Variants in CNGA3 observed in about 807,000 individuals in gnomAD.
CNGA3 encodes cyclic nucleotide gated channel subunit alpha 3.
A neutral mutation model predicts 46.6 loss-of-function variants in CNGA3; 42 were observed. The ratio of observed to expected loss-of-function variants is 0.90; its 90% CI spans 0.70 to 1.17. The LOEUF (loss-of-function observed/expected upper bound fraction) is 1.17, where lower values mean the gene tolerates loss of function less well. Ranked by LOEUF, CNGA3 falls within the 50% of genes most tolerant of loss-of-function variation. The probability of loss-of-function intolerance (pLI) is 0.00; values close to 1 mark genes in which losing one functional copy is unlikely to be tolerated. For missense variants in CNGA3, 893 were observed against 890.7 expected, an observed-to-expected ratio of 1.00 and a Z score of -0.03; for synonymous variants, 394 against 369.4, an observed-to-expected ratio of 1.07 and a Z score of -0.76.
chr2:98,379,924 C>T (rs1336285385), intron 3 of CNGA3: 6 of 574,870 alleles, frequency 1.0e-5, no homozygotes, highest in East Asian at 2.9e-5. Flanking sequence ...AAGAGAGTGT[C>T]CCTTTCCGGG....
chr2:98,388,128 C>A (rs1198858972), intron 5 of CNGA3, among the ~76,000 whole-genome samples: 1 of 152,072 alleles, frequency 6.6e-6, no homozygotes, highest in Non-Finnish European at 1.5e-5. Flanking sequence ...CTGGAAGCAC[C>A]CCTTGCCACG....
chr2:98,354,229 T>C (rs1691830118), intron 1 of CNGA3, among the ~76,000 whole-genome samples: 1 of 152,220 alleles, frequency 6.6e-6, no homozygotes, highest in South Asian at 2.1e-4. Context: ...TTCTTTATTG[T>C]TTTGGTTTTT....
chr2:98,388,371 G>A (rs1692706761), intron 5 of CNGA3, among the ~76,000 whole-genome samples: 1 of 152,224 alleles, frequency 6.6e-6, no homozygotes, highest in African/African-American at 2.4e-5. Flanking sequence ...GGGGTGCCAT[G>A]GTCCCAGCAG....
rs368513591 is a variant in CNGA3, at chr2:98,395,992, G to T, written c.822G>T (p.Arg274Ser). Reference sequence around the variant, plus strand: ...TGGGCACAAACTACCCAGAAGTGAGGTTCAACCGCCTACTGAAGTTTTCCC... The same window carrying T: ...TGGGCACAAACTACCCAGAAGTGAGTTTCAACCGCCTACTGAAGTTTTCCC... Reference protein sequence around the residue: ...LKVGTNYPEVRFNRLLKFSRL... With the variant: ...LKVGTNYPEVSFNRLLKFSRL... Residue 274 changes from arginine to serine, a missense_variant, in exon 8 of 8, where the codon AGG becomes AGT. Physicochemically the swap from Arg to Ser is moderately radical, Grantham distance 110. Transcript: ENST00000272602. 12 of 1,614,212 alleles carry T rather than the reference G, an allele frequency of 7.4e-6. No homozygotes were observed. The South Asian group carries it at 1.3e-4, about 18-fold the overall frequency.
chr2:98,371,403 C>T (rs7565051), intron 2 of CNGA3, among the ~76,000 whole-genome samples: 3,126 of 152,206 alleles, frequency 0.021, 116 homozygotes, highest in African/African-American at 0.071. Flanking sequence ...ACTCTTGGTC[C>T]CAGCTCCTCA....
chr2:98,361,080 A>G (rs1328695924), intron 1 of CNGA3, among the ~76,000 whole-genome samples: 1 of 151,538 alleles, frequency 6.6e-6, no homozygotes, highest in Non-Finnish European at 1.5e-5. Flanking sequence ...GGTTTGTTAC[A>G]TAGGTAAATG....
At chr2:98,393,623 C>T (rs942078863) in intron 7 of CNGA3, among the ~76,000 whole-genome samples, 7 of 152,206 alleles carry the variant, frequency 4.6e-5, no homozygotes, top group Non-Finnish European at 1.0e-4. Flanking sequence ...CACAGACACA[C>T]GAGCTCTGTA....
chr2:98,373,518 C>T (rs956612744), intron 2 of CNGA3, among the ~76,000 whole-genome samples: 1 of 152,166 alleles, frequency 6.6e-6, no homozygotes, highest in Admixed American at 6.5e-5. Flanking sequence ...GACTTCCCTG[C>T]CCCAAGGTCT....
At chr2:98,357,013 C>T (rs531622026) in intron 1 of CNGA3, among the ~76,000 whole-genome samples, 14 of 152,306 alleles carry the variant, frequency 9.2e-5, no homozygotes, top group African/African-American at 3.1e-4. Flanking sequence ...ACAATAAATA[C>T]GTGGCTGTTA....
chr2:98,378,431 G>T (rs1402153009), intron 3 of CNGA3, among the ~76,000 whole-genome samples: 1 of 152,190 alleles, frequency 6.6e-6, no homozygotes, highest in Non-Finnish European at 1.5e-5. Context: ...CCGACTCACG[G>T]CAGGTGCTCA....
rs1453929267 is a variant in CNGA3, at chr2:98,383,434, G to A, written c.442G>A (p.Glu148Lys). 1.2e-6 allele frequency: 2 copies of A among 1,614,148 alleles called. No individual in the cohort carries two copies. Among genetic ancestry groups the A allele is most frequent in the Admixed American group, 1.7e-5 (1 of 60,024 alleles). Residue 148 changes from glutamate (E) to lysine (K), a missense_variant, in exon 5 of 8, where the codon GAG (glutamate) becomes AAG (lysine). Around this residue, in one of 3 missense-constraint regions of CNGA3, gnomAD observed 333 missense variants for 290.8 expected, o/e 1.15. Transcript: ENST00000272602. ...CAACACTAACACCAGCAACAACACGGAGGAGGAGTAAGTACCCACACACCC... is the reference window on the plus strand; with the variant it reads ...CAACACTAACACCAGCAACAACACGAAGGAGGAGTAAGTACCCACACACCC... ...KCNTNTSNNT[E>K]EEKKTKKKDA... is the part of the protein sequence containing the mutation.
chr2:98,397,510 G>T lies in CNGA3; in HGVS notation c.*255G>T. Reference sequence around the variant, plus strand: ...CCAGGCAGGGCTTTGCAAAGTGCAAGGTATCCCCAGTCCAAGTATATGAAA... The same window carrying T: ...CCAGGCAGGGCTTTGCAAAGTGCAATGTATCCCCAGTCCAAGTATATGAAA... On this transcript the variant is annotated 3_prime_UTR_variant, in exon 8 of 8. Transcript: ENST00000272602. 1.8e-6 allele frequency: 1 copy of T among 554,864 alleles called. No individual in the cohort carries two copies. Among genetic ancestry groups the T allele is most frequent in the African/African-American group, 1.9e-5 (1 of 52,960 alleles). The allele number at this position is 554,864 out of a possible 1,614,324, so 34.4% of individuals were successfully genotyped here.
At chr2:98,383,646 G>T (rs1195759476) in intron 5 of CNGA3, among the ~76,000 whole-genome samples, 1 of 152,180 alleles carries the variant, frequency 6.6e-6, no homozygotes, top group Non-Finnish European at 1.5e-5. Flanking sequence ...GACTTCTTGG[G>T]GAAGTCGTCT....
chr2:98,396,875 CG>C lies in CNGA3; in HGVS notation c.1706del (p.Arg569ProfsTer38). On this transcript the variant is annotated frameshift_variant, in exon 8 of 8. Transcript: ENST00000272602. LOFTEE classifies it low-confidence loss of function (END_TRUNC). ...GGGGAACCGCAGGACGGCCAACATC[CG>C]CAGCATTGGCTACTCAGACCTGTTC... ...KSGNRRTANI[R>X]SIGYSDLFCL... 1 of 1,614,140 alleles carries C rather than the reference CG, an allele frequency of 6.2e-7. No individual in the cohort carries two copies. Among genetic ancestry groups the C allele is most frequent in the Non-Finnish European group, 8.5e-7 (1 of 1,180,028 alleles).
chr2:98,390,829 C>G (rs1393896406), intron 6 of CNGA3, among the ~76,000 whole-genome samples: 2 of 152,158 alleles, frequency 1.3e-5, no homozygotes, highest in South Asian at 2.1e-4. Context: ...TGAGGGTACA[C>G]GGGAGGGCTT....
At chr2:98,380,067 T>G in intron 3 of CNGA3, 108 bp from the exon 4 acceptor site, 21 of 1,328,760 alleles carry the variant, frequency 1.6e-5, no homozygotes, top group East Asian at 4.7e-5. Context: ...CCCCATCCCT[T>G]GAGACAGACA....
intron 5 of CNGA3, among the ~76,000 whole-genome samples, 187 bp from the exon 6 acceptor site, chr2:98,389,471 C>T (rs1279644143): frequency 6.6e-6 from 1 of 152,186 alleles, no homozygotes; most frequent in Non-Finnish European, 1.5e-5. Context: ...CCTCTGGAGT[C>T]TACCCTACCT....
intron 4 of CNGA3, among the ~76,000 whole-genome samples, chr2:98,382,131 G>A (rs1692552815): frequency 6.6e-6 from 1 of 152,168 alleles, no homozygotes; most frequent in Non-Finnish European, 1.5e-5. Flanking sequence ...TCGCGGGCAG[G>A]GTCAGCATGG....
chr2:98,397,190 G>T lies in CNGA3; in HGVS notation c.2020G>T (p.Asp674Tyr). ...GGAAAGCCAGGTGAAGGGTGGTGGGGACAAGCCCCTGGCTGATGGGGAAGT... is the reference window on the plus strand; with the variant it reads ...GGAAAGCCAGGTGAAGGGTGGTGGGTACAAGCCCCTGGCTGATGGGGAAGT... ...QLESQVKGGGDKPLADGEVPG... is the reference protein window; with the variant it reads ...QLESQVKGGGYKPLADGEVPG... Residue 674 changes from aspartate to tyrosine, a missense_variant, in exon 8 of 8, where the codon GAC becomes TAC. Physicochemically the swap from Asp to Tyr is radical, Grantham distance 160. Coordinates refer to ENST00000272602, the MANE Select transcript of CNGA3 (RefSeq NM_001298.3). The T allele has an allele frequency of 6.2e-7, 1 of 1,614,098 alleles. No individual in the cohort carries two copies. The highest frequency in any genetic ancestry group is 2.2e-5 in the East Asian group (1 of 44,878).
Sources: gnomAD v4.1 joint callset for allele counts (sites outside exome capture counted in the v4.1 genomes callset) on GRCh38, gnomAD v4.1.1 for gene constraint, gnomAD v4.1.1 regional missense constraint, MANE v1.5 for transcripts, NCBI Gene and HGNC (gene_info 2026-07-23, HGNC 2026-07-21) for gene names.